KHDRBS2: variants seen among roughly 807,000 people sequenced by gnomAD.
KHDRBS2 encodes the protein KH RNA binding domain containing, signal transduction associated 2, also known as KH domain-containing, RNA-binding, signal transduction-associated protein 2.
KHDRBS2 carries 26 observed loss-of-function variants against 44.3 expected under a neutral mutation model. The ratio of observed to expected loss-of-function variants is 0.59; its 90% CI spans 0.43 to 0.81. The LOEUF is 0.81. KHDRBS2 is among the 40% of genes least tolerant of loss of function. The pLI is 0.00. For synonymous variants in KHDRBS2, 194 were observed against 151.1 expected, an observed-to-expected ratio of 1.28 and a Z score of -2.08; for missense variants, 476 against 433.1, an observed-to-expected ratio of 1.10 and a Z score of -0.88.
the KHDRBS2 span, among the ~76,000 whole-genome samples, chr6:61,649,498 A>G: frequency 9.9e-5 from 15 of 152,148 alleles, no homozygotes; most frequent in African/African-American, 3.4e-4. Context: ...TCATTTATAT[A>G]ACAGCTTCAC....
the KHDRBS2 span, among the ~76,000 whole-genome samples, chr6:61,613,318 A>G: frequency 3.3e-5 from 5 of 152,176 alleles, no homozygotes; most frequent in African/African-American, 1.2e-4. Flanking sequence ...TATTTCCTGG[A>G]TGCTTAAGTG....
the KHDRBS2 span, among the ~76,000 whole-genome samples, chr6:61,646,922 T>A: frequency 5.6e-4 from 85 of 152,086 alleles, no homozygotes; most frequent in Non-Finnish European, 1.3e-4. Flanking sequence ...GGGGTTCAAG[T>A]AATTCTCCCT....
the KHDRBS2 span, among the ~76,000 whole-genome samples, chr6:61,638,266 G>C: frequency 6.6e-6 from 1 of 151,940 alleles, no homozygotes; most frequent in African/African-American, 2.4e-5. Context: ...ATACTACAAG[G>C]CTACAGTAAC....
chr6:62,274,004 C>A (rs1249975580), intron 1 of KHDRBS2, among the ~76,000 whole-genome samples: 1 of 152,048 alleles, frequency 6.6e-6, no homozygotes, highest in Non-Finnish European at 1.5e-5. Context: ...GGCGCGATCT[C>A]AGCTCACTCT....
chr6:62,159,996 C>T (rs1817289394), intron 2 of KHDRBS2, among the ~76,000 whole-genome samples: 1 of 152,100 alleles, frequency 6.6e-6, no homozygotes, highest in African/African-American at 2.4e-5. Flanking sequence ...TATTGTTCAA[C>T]TGTCATTTGT....
chr6:62,013,400 C>T (rs1353158754), intron 3 of KHDRBS2, among the ~76,000 whole-genome samples: 1 of 151,938 alleles, frequency 6.6e-6, no homozygotes, highest in African/African-American at 2.4e-5. Flanking sequence ...TTAAAATTTA[C>T]TGATATAAGT....
At chr6:61,930,123 G>A (rs2127366018) in intron 4 of KHDRBS2, among the ~76,000 whole-genome samples, 1 of 152,238 alleles carries the variant, frequency 6.6e-6, no homozygotes, top group South Asian at 2.1e-4. Flanking sequence ...TAAGGACACA[G>A]TATTCAGACC....
rs1400198833 is a variant in KHDRBS2, at chr6:62,047,761, G to A, written c.336+117C>T. The A allele has an allele frequency of 8.5e-6, 6 of 703,644 alleles. No individual in the cohort carries two copies. In the East Asian group the frequency reaches 1.2e-4, roughly 15 times the overall value. 43.6% of individuals were successfully genotyped at this position (703,644 alleles called of 1,614,324 possible). ...CAGAAAGTGACACAGGGTGATCCCAGGAAATGGAAATCATAGGAAATGGTG... is the reference window on the plus strand; with the variant it reads ...CAGAAAGTGACACAGGGTGATCCCAAGAAATGGAAATCATAGGAAATGGTG... On this transcript the variant is annotated intron_variant, in intron 3 of 8. Transcript: ENST00000281156.
intron 6 of KHDRBS2, among the ~76,000 whole-genome samples, chr6:61,829,842 T>C (rs1791512462): frequency 6.6e-6 from 1 of 151,970 alleles, no homozygotes. Flanking sequence ...AGAGAACACA[T>C]CGGAGTGAGA....
intron 6 of KHDRBS2, among the ~76,000 whole-genome samples, chr6:61,780,369 G>GT (rs1554204699): frequency 6.6e-6 from 1 of 151,992 alleles, no homozygotes; most frequent in Non-Finnish European, 1.5e-5. Flanking sequence ...GTGTGGTGGC[G>GT]TGTGCCTGTA....
intron 1 of KHDRBS2, among the ~76,000 whole-genome samples, chr6:62,259,978 T>C (rs1368414755): frequency 3.9e-5 from 6 of 151,992 alleles, no homozygotes; most frequent in Non-Finnish European, 8.8e-5. Context: ...ATCTGTTACA[T>C]GTAGGTGTGG....
chr6:61,799,235 A>G (rs1785867503), intron 6 of KHDRBS2, among the ~76,000 whole-genome samples: 1 of 152,060 alleles, frequency 6.6e-6, no homozygotes, highest in Admixed American at 6.6e-5. Flanking sequence ...TATAAGCTAC[A>G]TAAGCGCCTT....
At chr6:61,966,249 G>A (rs1769913582) in intron 4 of KHDRBS2, among the ~76,000 whole-genome samples, 1 of 151,978 alleles carries the variant, frequency 6.6e-6, no homozygotes, top group African/African-American at 2.4e-5. Context: ...ATAACTGTAA[G>A]AAAATGTACT....
chr6:61,772,718 C>T (rs1235304234), intron 6 of KHDRBS2, among the ~76,000 whole-genome samples: 2 of 151,842 alleles, frequency 1.3e-5, no homozygotes, highest in East Asian at 3.9e-4. Context: ...TATACATGTG[C>T]CACGCTGGTG....
intron 6 of KHDRBS2, among the ~76,000 whole-genome samples, chr6:61,749,009 CTTTTTTTTTTT>C (rs34423906): frequency 1.0e-5 from 1 of 97,220 alleles, no homozygotes; most frequent in African/African-American, 4.1e-5. Context: ...TTCTTTCTTT[CTTTTTTTTTTT>C]TTTTTTTTTT....
intron 3 of KHDRBS2, among the ~76,000 whole-genome samples, chr6:62,006,349 G>T (rs778858200): frequency 6.6e-5 from 10 of 151,982 alleles, no homozygotes; most frequent in Admixed American, 2.0e-4. Flanking sequence ...GTAAGACAAA[G>T]AGCAAGACAA....
intron 4 of KHDRBS2, among the ~76,000 whole-genome samples, chr6:61,976,750 C>T (rs2127402297): frequency 6.6e-6 from 1 of 152,130 alleles, no homozygotes; most frequent in South Asian, 2.1e-4. Context: ...ATGTACAGTC[C>T]TAGTCTCATT....
chr6:61,763,464 C>G (rs1294490815), intron 6 of KHDRBS2, among the ~76,000 whole-genome samples: 1 of 152,032 alleles, frequency 6.6e-6, no homozygotes, highest in Non-Finnish European at 1.5e-5. Context: ...AAATGAGAGG[C>G]CAAATGTTCC....
At chr6:61,810,250 C>G (rs1388391451) in intron 6 of KHDRBS2, among the ~76,000 whole-genome samples, 1 of 151,946 alleles carries the variant, frequency 6.6e-6, no homozygotes, top group Admixed American at 6.6e-5. Flanking sequence ...AGCCCAGCAG[C>G]CTTTAGACTA....
Sources: gnomAD v4.1 joint callset for allele counts (sites outside exome capture counted in the v4.1 genomes callset) on GRCh38, gnomAD v4.1.1 for gene constraint, MANE v1.5 for transcripts, NCBI Gene and HGNC (gene_info 2026-07-23, HGNC 2026-07-21) for gene names.